Variants in SNTB2 observed in about 807,000 individuals in gnomAD.
SNTB2 encodes the protein beta-2-syntrophin.
SNTB2 carries 34 observed loss-of-function variants against 46.2 expected under a neutral mutation model. The ratio of observed to expected loss-of-function variants is 0.74; its 90% confidence interval spans 0.56 to 0.98. SNTB2 has a LOEUF of 0.98. Ranked by LOEUF, SNTB2 falls within the 50% of genes least tolerant of loss-of-function variation. The pLI is 0.00. For missense variants in SNTB2, 603 were observed against 731.4 expected, an observed-to-expected ratio of 0.82 and a Z score of 2.02; for synonymous variants, 290 against 312.6, an observed-to-expected ratio of 0.93 and a Z score of 0.76.
chr16:69,238,015 T>G (rs1380103529), intron 1 of SNTB2, among the ~76,000 whole-genome samples: 1 of 152,216 alleles, frequency 6.6e-6, no homozygotes, highest in Non-Finnish European at 1.5e-5. Context: ...ACTCACTTCC[T>G]TGCTTGTGCT....
At chr16:69,258,480 G>A (rs1405082607) in intron 2 of SNTB2, among the ~76,000 whole-genome samples, 1 of 151,570 alleles carries the variant, frequency 6.6e-6, no homozygotes, top group Non-Finnish European at 1.5e-5. Context: ...ATACAGAACA[G>A]TTATAGTGTT....
At chr16:69,280,606 C>G (rs1228533463) in intron 4 of SNTB2, among the ~76,000 whole-genome samples, 1 of 151,722 alleles carries the variant, frequency 6.6e-6, no homozygotes, top group Non-Finnish European at 1.5e-5. Flanking sequence ...CCCCACCTCC[C>G]TCCCGGACGG....
At position 69,307,963 on chromosome 16, in the gene SNTB2, C is replaced by G. The variant is rs918573766; in HGVS notation, c.*7039C>G. 2.0e-5 allele frequency: 3 copies of G among 152,214 alleles called. No homozygotes were observed. The highest frequency in any genetic ancestry group is 7.2e-5 in the African/African-American group (3 of 41,460). The allele number at this position is 152,214 out of a possible 1,614,324, so 9.4% of individuals were successfully genotyped here. On this transcript the variant is annotated 3_prime_UTR_variant, in exon 7 of 7. Transcript: ENST00000336278. The stretch of plus-strand genomic sequence containing the variant: ...TAACAGTCCCTTTCTATCCAGCTTG[C>G]CTTCCATTTATCTCTAGGGTTAGCT...
chr16:69,227,274 G>A (rs926559972), intron 1 of SNTB2, among the ~76,000 whole-genome samples: 2 of 152,156 alleles, frequency 1.3e-5, no homozygotes, highest in Non-Finnish European at 2.9e-5. Context: ...CATCTTCTGT[G>A]CATTAGTGAT....
chr16:69,232,513 T>TTTTTTTTTTTTC (rs1964517448), intron 1 of SNTB2, among the ~76,000 whole-genome samples: 2 of 123,670 alleles, frequency 1.6e-5, no homozygotes, highest in Non-Finnish European at 3.4e-5. Context: ...TTTTTTTTTT[T>TTTTTTTTTTTTC]TTTTTTTTTT....
intron 1 of SNTB2, among the ~76,000 whole-genome samples, chr16:69,221,827 G>A (rs1344824331): frequency 2.6e-5 from 4 of 152,094 alleles, no homozygotes; most frequent in Admixed American, 2.6e-4. Flanking sequence ...TTGCAAATAA[G>A]TGGTGTATCA....
At chr16:69,235,706 G>T in intron 1 of SNTB2, 1 of 1,285,286 alleles carries the variant, frequency 7.8e-7, no homozygotes, top group Non-Finnish European at 1.0e-6. Flanking sequence ...GTATCCCCAG[G>T]GCTAACAACA....
chr16:69,270,883 C>T (rs113044847), intron 4 of SNTB2, among the ~76,000 whole-genome samples: 2 of 152,232 alleles, frequency 1.3e-5, no homozygotes, highest in African/African-American at 4.8e-5. Context: ...AACTGTGAAA[C>T]TAGAAAACAT....
intron 1 of SNTB2, among the ~76,000 whole-genome samples, chr16:69,198,133 C>G (rs1964123035): frequency 7.7e-6 from 1 of 129,284 alleles, no homozygotes; most frequent in South Asian, 2.7e-4. Flanking sequence ...GGTAGGGGAA[C>G]AGAGCCTCGC....
intron 1 of SNTB2, among the ~76,000 whole-genome samples, chr16:69,203,802 T>C (rs1164168075): frequency 6.6e-6 from 1 of 152,054 alleles, no homozygotes; most frequent in African/African-American, 2.4e-5. Context: ...AGTTTCACTC[T>C]TCTTGCCCAG....
intron 1 of SNTB2, among the ~76,000 whole-genome samples, chr16:69,199,707 G>A (rs920963478): frequency 2.0e-5 from 3 of 151,276 alleles, no homozygotes. Flanking sequence ...TGATTATTGT[G>A]TACCTTGAGG....
chr16:69,210,883 A>G (rs1280793985), intron 1 of SNTB2, among the ~76,000 whole-genome samples: 1 of 151,920 alleles, frequency 6.6e-6, no homozygotes, highest in African/African-American at 2.4e-5. Flanking sequence ...CCCAGCTCCT[A>G]GGGAGACTGA....
intron 2 of SNTB2, among the ~76,000 whole-genome samples, chr16:69,248,736 G>A (rs1325644360): frequency 6.6e-6 from 1 of 152,024 alleles, no homozygotes; most frequent in African/African-American, 2.4e-5. Flanking sequence ...GAGGCAGGAG[G>A]ATTGGTTGAG....
intron 2 of SNTB2, among the ~76,000 whole-genome samples, chr16:69,251,405 CA>C (rs1320846188): frequency 7.2e-6 from 1 of 139,022 alleles, no homozygotes; most frequent in African/African-American, 2.7e-5. Flanking sequence ...GCCTCAGAAA[CA>C]TTTTCATTTC....
intron 1 of SNTB2, among the ~76,000 whole-genome samples, chr16:69,244,731 G>T (rs993693282): frequency 2.0e-5 from 3 of 152,190 alleles, no homozygotes; most frequent in Non-Finnish European, 4.4e-5. Flanking sequence ...TTGGCTTTGT[G>T]CTTATTAGAT....
chr16:69,229,276 C>T (rs72795245), intron 1 of SNTB2, among the ~76,000 whole-genome samples: 1 of 152,086 alleles, frequency 6.6e-6, no homozygotes, highest in Non-Finnish European at 1.5e-5. Flanking sequence ...CTCAGATGAT[C>T]CTCCCACTTC....
Position 69,287,874 on chromosome 16 carries a change from A to T in SNTB2, c.1345+3630A>T, listed in dbSNP as rs927648545. On this transcript the variant is annotated intron_variant, in intron 5 of 6. Coordinates refer to ENST00000336278, the MANE Select transcript of SNTB2 (RefSeq NM_006750.4). The stretch of plus-strand genomic sequence containing the variant: ...ACTCTGTCTCAAAAAATATATATAT[A>T]TATATATGTATATGCATTGGGCCAA... 3.3e-5 allele frequency among the ~76,000 whole-genome samples: 5 copies of T among 151,730 alleles called. No individual in the cohort carries two copies. The East Asian group carries it at 9.7e-4, about 29-fold the overall frequency.
intron 1 of SNTB2, among the ~76,000 whole-genome samples, chr16:69,219,615 A>G (rs1186055078): frequency 2.6e-5 from 4 of 152,244 alleles, no homozygotes; most frequent in East Asian, 1.9e-4. Flanking sequence ...GAGGCAGTGA[A>G]TATGATTCTA....
At chr16:69,246,976 C>T (rs1342507707) in intron 2 of SNTB2, among the ~76,000 whole-genome samples, 1 of 149,452 alleles carries the variant, frequency 6.7e-6, no homozygotes, top group East Asian at 2.0e-4. Context: ...TGCAGCGCAC[C>T]AGCATGGCAC....
Sources: allele counts gnomAD v4.1 joint callset (sites outside exome capture counted in the v4.1 genomes callset), GRCh38; gene constraint gnomAD v4.1.1; transcripts MANE v1.5; gene names NCBI Gene and HGNC (gene_info 2026-07-23, HGNC 2026-07-21).